Variants in SLC18B1 observed in about 807,000 individuals in gnomAD.
SLC18B1 encodes solute carrier family 18 member B1.
Under a neutral mutation model 53.9 loss-of-function variants are expected in SLC18B1, and 62 were observed. That is an observed-to-expected ratio of 1.15 (90% CI 0.94 to 1.42). The LOEUF (loss-of-function observed/expected upper bound fraction) is 1.42. Ranked by LOEUF, SLC18B1 falls within the 40% of genes most tolerant of loss-of-function variation. The probability of loss-of-function intolerance (pLI) is 0.00; values close to 1 mark genes in which losing one functional copy is unlikely to be tolerated. For synonymous variants in SLC18B1, 217 were observed against 200.9 expected (o/e 1.08, Z -0.68); for missense variants, 598 against 547.3 (o/e 1.09, Z -0.93).
In SLC18B1 at chr6:132,771,311, C is replaced by G. The variant is rs779246856; in HGVS notation, c.1161-182G>C. 1.6e-3 allele frequency among the ~76,000 whole-genome samples: 236 copies of G among 152,032 alleles called. 1 individual carries two copies. Among genetic ancestry groups the G allele is most frequent in the Non-Finnish European group, 2.5e-3 (169 of 67,998 alleles). On this transcript the variant is annotated intron_variant, in intron 11 of 13. Transcript: ENST00000275227. Reference sequence around the variant, plus strand: ...AATAATTCTACCTGATAATGACATTCAAAATTTTTTAACAATTTTGAAATT... The same window carrying G: ...AATAATTCTACCTGATAATGACATTGAAAATTTTTTAACAATTTTGAAATT...
chr6:132,787,673 T>A, intron 4 of SLC18B1, 92 bp from the exon 5 acceptor site: 1 of 1,131,488 alleles, frequency 8.8e-7, no homozygotes. Flanking sequence ...GAATAGTACC[T>A]CACTCATGGT....
intron 7 of SLC18B1, among the ~76,000 whole-genome samples, chr6:132,778,296 C>T (rs956471279): frequency 5.3e-5 from 8 of 152,038 alleles, no homozygotes; most frequent in Non-Finnish European, 1.2e-4. Flanking sequence ...AGCTTGGGCT[C>T]AGAAGCCTGA....
Position 132,776,408 on chromosome 6 carries a change from C to T in SLC18B1, c.817G>A (p.Val273Met), listed in dbSNP as rs955262441. Residue 273 changes from valine (V) to methionine (M), a missense_variant, in exon 8 of 14, where the codon GTG (valine) becomes ATG (methionine). By Grantham distance (21) the Val-to-Met change is conservative (BLOSUM62 1). Coordinates refer to ENST00000275227, the MANE Select transcript of SLC18B1 (RefSeq NM_052831.3). ...LEKFNLPAGY[V>M]GLVFLGMALS... is the part of the protein sequence containing the mutation. ...GCCATACCCAGGAATACTAGTCCCA[C>T]ATATCCAGCTGGTAAATTGAACTGT... 1 of 1,613,294 alleles carries T rather than the reference C, an allele frequency of 6.2e-7. No individual in the cohort carries two copies. The highest frequency in any genetic ancestry group is 8.5e-7 in the Non-Finnish European group (1 of 1,179,624).
chr6:132,784,876 A>C (rs1052536448), intron 5 of SLC18B1, among the ~76,000 whole-genome samples: 1 of 152,178 alleles, frequency 6.6e-6, no homozygotes, highest in African/African-American at 2.4e-5. Flanking sequence ...TACTATACAG[A>C]CAGTAAGAAC....
In SLC18B1 at chr6:132,783,945, A is replaced by T; in HGVS notation, c.646T>A (p.Leu216Ile). The T allele has an allele frequency of 6.3e-7, 1 of 1,593,158 alleles. No individual in the cohort carries two copies. The highest frequency in any genetic ancestry group is 1.2e-5 in the South Asian group (1 of 86,856). The change falls in exon 6 of 14, where the codon TTA becomes ATA. Residue 216 changes from leucine (L) to isoleucine (I), a missense_variant. Physicochemically the swap from Leu to Ile is conservative, Grantham distance 5 (BLOSUM62 2). Coordinates refer to ENST00000275227, the MANE Select transcript of SLC18B1 (RefSeq NM_052831.3). Reference protein sequence around the residue: ...LLMVPLNMYILPNYESDPGEH... With the variant: ...LLMVPLNMYIIPNYESDPGEH... ...AGTGTGGACTTACCGTAATTGGGTA[A>T]AATATACATATTGAGTGGTACCATC...
chr6:132,770,459 G>A (rs1399703383), intron 13 of SLC18B1, 123 bp from the exon 14 acceptor site: 3 of 805,030 alleles, frequency 3.7e-6, no homozygotes, highest in Non-Finnish European at 6.0e-6. Flanking sequence ...CTACTGCCCG[G>A]GCATGGTGGC....
chr6:132,792,694 G>T (rs1781581385), intron 2 of SLC18B1, among the ~76,000 whole-genome samples: 1 of 152,146 alleles, frequency 6.6e-6, no homozygotes, highest in Non-Finnish European at 1.5e-5. Context: ...TCATGTGCAT[G>T]TTCCCATATT....
chr6:132,796,896 A>G, intron 2 of SLC18B1, 86 bp downstream of exon 2: 1 of 1,390,056 alleles, frequency 7.2e-7, no homozygotes, highest in Non-Finnish European at 9.7e-7. Context: ...TACATTTTAT[A>G]TACTATAAAA....
At chr6:132,789,860 G>A (rs1180795368) in intron 3 of SLC18B1, 23 bp from the exon 4 acceptor site, 1 of 1,553,064 alleles carries the variant, frequency 6.4e-7, no homozygotes, top group Non-Finnish European at 8.9e-7. Flanking sequence ...TCAAAGAAGA[G>A]TGGTAAATTT....
chr6:132,798,361 C>T (rs999973268), intron 1 of SLC18B1, 53 bp downstream of exon 1: 2 of 1,486,828 alleles, frequency 1.3e-6, no homozygotes. Flanking sequence ...TAAAGAGACA[C>T]GCCGGAAGCC....
chr6:132,770,399 CA>C, intron 13 of SLC18B1, 63 bp from the exon 14 acceptor site: 1 of 1,401,116 alleles, frequency 7.1e-7, no homozygotes, highest in Non-Finnish European at 1.0e-6. Context: ...AACAAACAAA[CA>C]AAAAACCAGT....
At chr6:132,776,498 T>C in intron 7 of SLC18B1, 69 bp from the exon 8 acceptor site, 1 of 1,120,480 alleles carries the variant, frequency 8.9e-7, no homozygotes, top group Admixed American at 2.0e-5. Flanking sequence ...CTCTTTTCCC[T>C]CTACCATTTC....
rs1477742032 is a variant in SLC18B1, at chr6:132,792,351, GGAAGGGAA to G, written c.184-2087_184-2080del. On this transcript the variant is annotated intron_variant, in intron 2 of 13. Coordinates refer to ENST00000275227, the MANE Select transcript of SLC18B1 (RefSeq NM_052831.3). Reference sequence around the variant, plus strand: ...AGGAAGGAAGGAAGGAAGGAAGGAAGGAAGGGAAAGAAAGAAAAGAAGGAAAGAAAGAG... The same window carrying G: ...AGGAAGGAAGGAAGGAAGGAAGGAAGAGAAAGAAAAGAAGGAAAGAAAGAG... 7.3e-5 allele frequency among the ~76,000 whole-genome samples: 8 copies of G among 109,882 alleles called. 1 individual carries two copies. Among genetic ancestry groups the G allele is most frequent in the Admixed American group, 4.9e-4 (5 of 10,148 alleles). The allele number at this position is 109,882 out of a possible 152,430, so 72.1% of individuals were successfully genotyped here.
rs576555943 is a variant in SLC18B1 at position 132,770,507 on chromosome 6, A to G, written c.1305-171T>C. Among the ~76,000 whole-genome samples the G allele has an allele frequency of 2.6e-5, 4 of 152,260 alleles. No individual in the cohort carries two copies. In the South Asian group the frequency reaches 6.2e-4, roughly 24 times the overall value. The stretch of plus-strand genomic sequence containing the variant: ...TCCCAGCATTTTGGGAGGCAGAGGC[A>G]GGCGGATCACTTGAGGTCAGGAGTT... On this transcript the variant is annotated intron_variant, in intron 13 of 13. Coordinates refer to ENST00000275227, the MANE Select transcript of SLC18B1 (RefSeq NM_052831.3).
intron 11 of SLC18B1, among the ~76,000 whole-genome samples, chr6:132,771,555 T>C (rs909037733): frequency 2.0e-5 from 3 of 152,188 alleles, no homozygotes; most frequent in Non-Finnish European, 4.4e-5. Flanking sequence ...GAGACATGTT[T>C]CTATTAAAGG....
intron 1 of SLC18B1, among the ~76,000 whole-genome samples, chr6:132,797,678 A>G (rs888277133): frequency 2.0e-5 from 3 of 152,264 alleles, no homozygotes; most frequent in African/African-American, 7.2e-5. Context: ...TTGAAGTCAA[A>G]TGAAGTGTAA....
chr6:132,796,244 A>G (rs1582876471), intron 2 of SLC18B1, among the ~76,000 whole-genome samples: 1 of 150,118 alleles, frequency 6.7e-6, no homozygotes, highest in Non-Finnish European at 1.5e-5. Context: ...AGTCCCAGCT[A>G]CTTGGGAGGC....
At chr6:132,794,332 G>A (rs1176467306) in intron 2 of SLC18B1, among the ~76,000 whole-genome samples, 3 of 151,930 alleles carry the variant, frequency 2.0e-5, no homozygotes, top group Non-Finnish European at 2.9e-5. Context: ...TCAAACTCCT[G>A]ACCTCAGGTG....
rs191172859 is a variant in SLC18B1, at chr6:132,770,319, A to T, written c.1322T>A (p.Ile441Asn). ...SRRKRSKSQN[I>N]LSTEEERTTL... is the part of the protein sequence containing the mutation. ...AGTTCGTTCCTCCTCTGTGCTGAGG[A>T]TGTTTTGAGATTTAGACCTACATTG... Residue 441 changes from isoleucine to asparagine, a missense_variant, in exon 14 of 14, where the codon ATC becomes AAC. By Grantham distance (149) the Ile-to-Asn change is moderately radical. Transcript: ENST00000275227. The T allele has an allele frequency of 6.5e-4, 1,047 of 1,613,622 alleles. 2 individuals are homozygous for T. The highest frequency in any genetic ancestry group is 8.4e-4 in the Non-Finnish European group (995 of 1,179,532).
Sources: gnomAD v4.1 joint callset for allele counts (sites outside exome capture counted in the v4.1 genomes callset) on GRCh38, gnomAD v4.1.1 for gene constraint, MANE v1.5 for transcripts, NCBI Gene and HGNC (gene_info 2026-07-23, HGNC 2026-07-21) for gene names.